CDK14: variants seen among roughly 807,000 people sequenced by gnomAD.
CDK14 encodes cyclin-dependent kinase 14.
CDK14 carries 34 observed loss-of-function variants against 60.7 expected under a neutral mutation model. That is an observed-to-expected ratio of 0.56 (90% CI 0.43 to 0.75). The LOEUF (loss-of-function observed/expected upper bound fraction) is 0.75, where lower values mean the gene tolerates loss of function less well. Among genes scored for constraint, CDK14 ranks in the 30% least tolerant of loss-of-function variants. The pLI, the probability that CDK14 is intolerant of heterozygous loss-of-function variation, is 0.00. For synonymous variants in CDK14, 197 were observed against 203.7 expected (o/e 0.97, Z 0.28); for missense variants, 482 against 564.1 (o/e 0.85, Z 1.47).
rs191380334 is a variant in CDK14 at position 91,127,930 on chromosome 7, A to G, written c.*28+9722A>G. Among the ~76,000 whole-genome samples, 7 of 152,306 alleles carry G rather than the reference A, an allele frequency of 4.6e-5. No homozygotes were observed. In the East Asian group the frequency reaches 1.4e-3, roughly 29 times the overall value. On this transcript the variant is annotated intron_variant, in intron 14 of 14. Coordinates refer to ENST00000380050, the MANE Select transcript of CDK14 (RefSeq NM_001287135.2). ...TTCCAGTATTTTTACAATGTATCAA[A>G]TGAGCTTTTGTTTAAAGCCTTTTTT... is the stretch of plus-strand genomic sequence containing the variant.
intron 5 of CDK14, among the ~76,000 whole-genome samples, chr7:90,799,199 A>G (rs1788541539): frequency 6.6e-6 from 1 of 152,196 alleles, no homozygotes; most frequent in South Asian, 2.1e-4. Flanking sequence ...CTAATAGGGA[A>G]CAAATTTAAA....
In CDK14 at chr7:91,139,785, CCTTTCTTTCTTTCTTT is replaced by C. The variant is rs71292993; in HGVS notation, c.*28+21594_*28+21609del. Among the ~76,000 whole-genome samples, 377 of 146,370 alleles carry C rather than the reference CCTTTCTTTCTTTCTTT, an allele frequency of 2.6e-3. 3 individuals carry two copies. Among genetic ancestry groups the C allele is most frequent in the African/African-American group, 8.6e-3 (343 of 39,950 alleles). On this transcript the variant is annotated intron_variant, in intron 14 of 14. Transcript: ENST00000380050. ...TTTCTTTTCTTTTCTTTTTTTCTTTCCTTTCTTTCTTTCTTTCTTTCTTTCTTTCTTTTCTTTTCTT... is the reference window on the plus strand; with the variant it reads ...TTTCTTTTCTTTTCTTTTTTTCTTTCCTTTCTTTCTTTCTTTTCTTTTCTT...
chr7:90,957,174 C>A (rs921304232), intron 9 of CDK14, among the ~76,000 whole-genome samples: 3 of 151,302 alleles, frequency 2.0e-5, no homozygotes, highest in Non-Finnish European at 2.9e-5. Context: ...GTTCTAGATC[C>A]CTGAGGAATC....
At chr7:90,678,013 G>A (rs1362706747) in intron 2 of CDK14, among the ~76,000 whole-genome samples, 3 of 152,178 alleles carry the variant, frequency 2.0e-5, no homozygotes, top group Non-Finnish European at 4.4e-5. Flanking sequence ...GAGAGACTGC[G>A]ACTCAGCGAT....
chr7:91,144,275 C>T (rs1433597683), intron 14 of CDK14, among the ~76,000 whole-genome samples: 1 of 152,144 alleles, frequency 6.6e-6, no homozygotes, highest in Non-Finnish European at 1.5e-5. Flanking sequence ...TCTTTAGAAT[C>T]ATGTTGGTTT....
At chr7:91,054,571 A>G (rs1456960962) in intron 11 of CDK14, among the ~76,000 whole-genome samples, 3 of 152,250 alleles carry the variant, frequency 2.0e-5, no homozygotes, top group Non-Finnish European at 1.5e-5. Context: ...TGAGCCAGCC[A>G]TACTGGGAGG....
chr7:90,815,890 G>A (rs980413956), intron 5 of CDK14, among the ~76,000 whole-genome samples: 7 of 151,912 alleles, frequency 4.6e-5, no homozygotes, highest in Non-Finnish European at 1.0e-4. Flanking sequence ...ACACAGGGAG[G>A]GTAACTTCAC....
At chr7:90,667,390 T>C (rs1801004030) in intron 2 of CDK14, among the ~76,000 whole-genome samples, 1 of 152,174 alleles carries the variant, frequency 6.6e-6, no homozygotes, top group Non-Finnish European at 1.5e-5. Context: ...TTCCAGAACA[T>C]TTTTATTATC....
At chr7:90,933,603 T>C (rs1002702889) in intron 8 of CDK14, among the ~76,000 whole-genome samples, 6 of 152,240 alleles carry the variant, frequency 3.9e-5, no homozygotes, top group African/African-American at 1.4e-4. Context: ...GTAACTTCTT[T>C]ATATAGAATG....
At chr7:91,162,480 C>T (rs558443209) in intron 14 of CDK14, among the ~76,000 whole-genome samples, 1 of 152,112 alleles carries the variant, frequency 6.6e-6, no homozygotes. Context: ...GAGGAAGTCA[C>T]GTTGAACTGG....
intron 12 of CDK14, among the ~76,000 whole-genome samples, chr7:91,087,704 C>T (rs1798680323): frequency 6.6e-6 from 1 of 152,128 alleles, no homozygotes; most frequent in Non-Finnish European, 1.5e-5. Flanking sequence ...TCCGAATAAG[C>T]AATTACTCTT....
chr7:91,045,439 C>A (rs1053193049), intron 10 of CDK14, among the ~76,000 whole-genome samples: 12 of 152,138 alleles, frequency 7.9e-5, no homozygotes, highest in Admixed American at 6.5e-4. Flanking sequence ...AAGCTGTCGA[C>A]CCTGCCTCTT....
At chr7:90,981,018 C>T (rs919841432) in intron 9 of CDK14, among the ~76,000 whole-genome samples, 2 of 152,138 alleles carry the variant, frequency 1.3e-5, no homozygotes, top group Non-Finnish European at 2.9e-5. Context: ...AGGCTCTTCA[C>T]ACTCAGAACT....
At chr7:91,204,441 A>AG (rs1802820497) in intron 14 of CDK14, among the ~76,000 whole-genome samples, 1 of 152,246 alleles carries the variant, frequency 6.6e-6, no homozygotes, top group Non-Finnish European at 1.5e-5. Context: ...CTTTGCCAAA[A>AG]TTAAAAACTT....
Position 91,143,498 on chromosome 7 carries a change from G to A in CDK14, c.*28+25290G>A, listed in dbSNP as rs138166406. Among the ~76,000 whole-genome samples, 1,266 of 152,212 alleles carry A rather than the reference G, an allele frequency of 8.3e-3. 12 individuals carry two copies. The highest frequency in any genetic ancestry group is 0.014 in the Non-Finnish European group (959 of 68,010). On this transcript the variant is annotated intron_variant, in intron 14 of 14. Coordinates refer to ENST00000380050, the MANE Select transcript of CDK14 (RefSeq NM_001287135.2). Reference sequence around the variant, plus strand: ...GCTCTTTGGGAGGCCGAGGAGGGAGGATCACTTGAGCCCAGGAGTTTGAGT... The same window carrying A: ...GCTCTTTGGGAGGCCGAGGAGGGAGAATCACTTGAGCCCAGGAGTTTGAGT...
At chr7:90,770,033 G>A (rs992017307) in intron 4 of CDK14, among the ~76,000 whole-genome samples, 1 of 152,164 alleles carries the variant, frequency 6.6e-6, no homozygotes, top group Admixed American at 6.5e-5. Context: ...GCTAGATTTG[G>A]TAGCTGAGGT....
intron 1 of CDK14, among the ~76,000 whole-genome samples, chr7:90,599,148 C>T (rs1799261925): frequency 6.6e-6 from 1 of 152,222 alleles, no homozygotes; most frequent in African/African-American, 2.4e-5. Flanking sequence ...CTCAACTTCT[C>T]TGAGCTTCAG....
chr7:90,863,034 A>C (rs146384004), intron 5 of CDK14, 141 bp from the exon 6 acceptor site: 512 of 520,998 alleles, frequency 9.8e-4, no homozygotes, highest in Non-Finnish European at 1.5e-3. Flanking sequence ...TTGTTTTTCT[A>C]CCCTTCATTT....
intron 3 of CDK14, among the ~76,000 whole-genome samples, chr7:90,728,854 G>A (rs1047453402): frequency 4.6e-5 from 7 of 151,982 alleles, no homozygotes; most frequent in South Asian, 2.1e-4. Flanking sequence ...AGACCTAGTC[G>A]TTTTATTTAA....
Sources: gnomAD v4.1 joint callset for allele counts (sites outside exome capture counted in the v4.1 genomes callset) on GRCh38, gnomAD v4.1.1 for gene constraint, MANE v1.5 for transcripts, NCBI Gene and HGNC (gene_info 2026-07-23, HGNC 2026-07-21) for gene names.